Variants in USO1 observed in about 807,000 individuals in gnomAD.
The protein encoded by USO1 is general vesicular transport factor p115.
USO1 carries 57 observed loss-of-function variants against 124.5 expected under a neutral mutation model. The ratio of observed to expected loss-of-function variants is 0.46; its 90% confidence interval spans 0.37 to 0.57. The LOEUF (loss-of-function observed/expected upper bound fraction) is 0.57, where lower values mean the gene tolerates loss of function less well. Ranked by LOEUF, USO1 falls within the 20% of genes least tolerant of loss-of-function variation. The pLI, the probability that USO1 is intolerant of heterozygous loss-of-function variation, is 0.00. For missense variants in USO1, 900 were observed against 1,040.6 expected (o/e 0.86, Z 1.86); for synonymous variants, 369 against 362.8 (o/e 1.02, Z -0.19).
intron 8 of USO1, among the ~76,000 whole-genome samples, chr4:75,781,755 C>CT (rs1383759537): frequency 1.9e-5 from 2 of 103,320 alleles, no homozygotes; most frequent in African/African-American, 2.7e-5. Flanking sequence ...AAAATGATGT[C>CT]TTTTTAAAAA....
At chr4:75,806,367 G>A (rs1180663656) in intron 19 of USO1, 119 bp from the exon 20 acceptor site, 2 of 1,230,546 alleles carry the variant, frequency 1.6e-6, no homozygotes, top group Non-Finnish European at 2.2e-6. Flanking sequence ...AAATTAAAAG[G>A]TTGGTGTGAA....
intron 10 of USO1, 80 bp from the exon 11 acceptor site, chr4:75,790,068 AAG>A (rs1244372425): frequency 7.2e-7 from 1 of 1,391,476 alleles, no homozygotes; most frequent in Non-Finnish European, 9.4e-7. Context: ...ACAAAAAAAA[AAG>A]ATTTTTTTTC....
chr4:75,791,415 T>G (rs1444688622), intron 12 of USO1, among the ~76,000 whole-genome samples: 3 of 152,126 alleles, frequency 2.0e-5, no homozygotes, highest in East Asian at 1.9e-4. Context: ...TCCCAGCTAC[T>G]CAGGAGGCTG....
chr4:75,800,840 T>TTATATTTA lies in USO1; in HGVS notation c.1864+45_1864+52dup, dbSNP rs777447991. ...TATATTGATATTTGATGGAAAGTAA[T>TTATATTTA]TATATTTATATTGTACATGTATATT... is the stretch of plus-strand genomic sequence containing the variant. On this transcript the variant is annotated intron_variant, in intron 16 of 23. Transcript: ENST00000514213. The TTATATTTA allele has an allele frequency of 8.7e-5, 136 of 1,570,004 alleles. 2 individuals are homozygous for TTATATTTA. Among genetic ancestry groups the TTATATTTA allele is most frequent in the Admixed American group, 1.9e-5 (1 of 53,920 alleles).
intron 1 of USO1, among the ~76,000 whole-genome samples, chr4:75,749,909 GC>G (rs1246711936): frequency 6.6e-6 from 1 of 151,882 alleles, no homozygotes; most frequent in African/African-American, 2.4e-5. Context: ...CCGTCACCAG[GC>G]CCAGCTAATT....
At chr4:75,767,783 A>G in intron 4 of USO1, among the ~76,000 whole-genome samples, 1 of 152,156 alleles carries the variant, frequency 6.6e-6, no homozygotes, top group East Asian at 1.9e-4. Context: ...GAAATTATGT[A>G]GTGTTAAGTC....
intron 15 of USO1, 48 bp downstream of exon 15, chr4:75,800,517 G>GT (rs762288912): frequency 1.6e-5 from 15 of 950,170 alleles, no homozygotes; most frequent in Admixed American, 1.2e-4. Flanking sequence ...AGATAATGAT[G>GT]CTTTTTTTTT....
chr4:75,791,510 A>G (rs1002812899), intron 12 of USO1, among the ~76,000 whole-genome samples: 6 of 152,152 alleles, frequency 3.9e-5, no homozygotes, highest in East Asian at 1.9e-4. Flanking sequence ...GGCAACAGAG[A>G]GAGACTGTGC....
At chr4:75,798,832 GTTT>G (rs1553902452) in intron 13 of USO1, among the ~76,000 whole-genome samples, 1 of 151,302 alleles carries the variant, frequency 6.6e-6, no homozygotes, top group Admixed American at 6.6e-5. Context: ...GTTTTGTTTT[GTTT>G]TTTTAAAAAA....
intron 4 of USO1, among the ~76,000 whole-genome samples, chr4:75,767,342 A>G (rs543938663): frequency 4.6e-5 from 7 of 152,352 alleles, no homozygotes; most frequent in East Asian, 3.9e-4. Context: ...CCCCTAACAC[A>G]TACAGCTTTA....
At chr4:75,789,931 A>T (rs1178337046) in intron 10 of USO1, among the ~76,000 whole-genome samples, 1 of 151,898 alleles carries the variant, frequency 6.6e-6, no homozygotes, top group Non-Finnish European at 1.5e-5. Context: ...GTTATCATTG[A>T]TGTTTTTGTG....
chr4:75,800,552 C>G (rs2271472), intron 15 of USO1, 66 bp from the exon 16 acceptor site: 904,952 of 1,513,434 alleles, frequency 0.6, 274,813 homozygotes, highest in East Asian at 0.83. Flanking sequence ...ATTATGTAGA[C>G]CAAGCTTTTA....
intron 3 of USO1, among the ~76,000 whole-genome samples, chr4:75,757,092 A>G (rs1721468733): frequency 1.6e-5 from 2 of 124,194 alleles, no homozygotes; most frequent in South Asian, 5.8e-4. Context: ...AAACGTATAC[A>G]TATATATTTT....
chr4:75,795,980 T>C (rs1400672093), intron 13 of USO1, among the ~76,000 whole-genome samples: 1 of 152,036 alleles, frequency 6.6e-6, no homozygotes, highest in Non-Finnish European at 1.5e-5. Context: ...GGAGTGTACC[T>C]TAATATCTAT....
Position 75,800,803 on chromosome 4 carries a change from A to G in USO1, c.1864+4A>G, listed in dbSNP as rs376068502. ...AAGCTGGTAAAAGAACTTGAAGGTA[A>G]GACTGAAGATTTATATTGATATTTG... On this transcript the variant is annotated splice_donor_region_variant and intron_variant, in intron 16 of 23. Transcript: ENST00000514213. 5.6e-5 allele frequency: 91 copies of G among 1,611,516 alleles called. No homozygotes were observed. Among genetic ancestry groups the G allele is most frequent in the Non-Finnish European group, 6.9e-5 (81 of 1,178,720 alleles).
At chr4:75,763,624 T>A (rs1438589756) in intron 4 of USO1, among the ~76,000 whole-genome samples, 4 of 152,170 alleles carry the variant, frequency 2.6e-5, no homozygotes, top group African/African-American at 9.6e-5. Context: ...TATATTAAAT[T>A]TATTTTTACT....
Position 75,730,876 on chromosome 4 carries a change from T to C in USO1, c.66+5991T>C, listed in dbSNP as rs1201702719. Among the ~76,000 whole-genome samples the C allele has an allele frequency of 2.0e-5, 3 of 152,182 alleles. No individual in the cohort carries two copies. In the East Asian group the frequency reaches 5.8e-4, roughly 29 times the overall value. ...GTTGCCCAGGCTGGTCTTGAACTCCTGGCCTCAAACAATCCTCCTGTCAGC... is the reference window on the plus strand; with the variant it reads ...GTTGCCCAGGCTGGTCTTGAACTCCCGGCCTCAAACAATCCTCCTGTCAGC... On this transcript the variant is annotated intron_variant, in intron 1 of 23. Coordinates refer to ENST00000514213, the MANE Select transcript of USO1 (RefSeq NM_003715.4).
intron 4 of USO1, 200 bp from the exon 5 acceptor site, chr4:75,770,239 A>T (rs754558567): frequency 5.7e-5 from 21 of 369,554 alleles, no homozygotes; most frequent in African/African-American, 6.3e-5. Context: ...CATTTAGCCA[A>T]TAAAATGTAT....
chr4:75,732,876 T>TAAAAAA (rs3059597), intron 1 of USO1, among the ~76,000 whole-genome samples: 777 of 48,160 alleles, frequency 0.016, 113 homozygotes, highest in African/African-American at 0.04. Context: ...AGATTCCATC[T>TAAAAAA]AAAAAAAAAA....
Sources: gnomAD v4.1 joint callset for allele counts (sites outside exome capture counted in the v4.1 genomes callset) on GRCh38, gnomAD v4.1.1 for gene constraint, MANE v1.5 for transcripts, NCBI Gene and HGNC (gene_info 2026-07-23, HGNC 2026-07-21) for gene names.